NUP43: variants seen among roughly 807,000 people sequenced by gnomAD.
NUP43 encodes nucleoporin Nup43.
A neutral mutation model predicts 47.3 loss-of-function variants in NUP43; 32 were observed. The observed-to-expected ratio is 0.68, with a 90% CI of 0.51 to 0.91. The LOEUF (loss-of-function observed/expected upper bound fraction) is 0.91, where lower values mean the gene tolerates loss of function less well. NUP43 is among the 40% of genes least tolerant of loss of function. The pLI is 0.00. For missense variants in NUP43, 444 were observed against 453.9 expected (o/e 0.98, Z 0.20); for synonymous variants, 147 against 158.4 (o/e 0.93, Z 0.54).
upstream of NUP43, among the ~76,000 whole-genome samples, chr6:149,748,755 G>A (rs528696350): frequency 7.2e-4 from 106 of 146,574 alleles, no homozygotes; most frequent in African/African-American, 2.7e-3. Flanking sequence ...CTTGCAGTGA[G>A]CCGAGATCGC....
chr6:149,737,002 T>C (rs1262025452), intron 5 of NUP43, among the ~76,000 whole-genome samples: 1 of 152,064 alleles, frequency 6.6e-6, no homozygotes, highest in Admixed American at 6.6e-5. Context: ...TTGTTTATTT[T>C]TTAAGAGACC....
chr6:149,745,157 T>C (rs1785903263), intron 2 of NUP43, among the ~76,000 whole-genome samples: 1 of 151,936 alleles, frequency 6.6e-6, no homozygotes, highest in Admixed American at 6.6e-5. Flanking sequence ...TCCCAGCACT[T>C]TGGGAGGCCG....
At chr6:149,744,889 A>AT (rs758106095) in intron 2 of NUP43, among the ~76,000 whole-genome samples, 7 of 147,552 alleles carry the variant, frequency 4.7e-5, no homozygotes, top group Non-Finnish European at 9.0e-5. Flanking sequence ...TTTTTATTTT[A>AT]TTTATTTATT....
rs1199491263 is a variant in NUP43, at chr6:149,727,191, T to G, written c.921A>C (p.Arg307Ser). ...EKSSLFHQGG[R>S]SSTFLSHSIS... ...TGCTATGAGACAAAAAAGTACTGCT[T>G]CTTCCTCCTGGGAGAAAAAAAGAAA... The change falls in exon 8 of 8, where the codon AGA becomes AGC. Residue 307 changes from arginine to serine, a missense_variant. By Grantham distance (110) the Arg-to-Ser change is moderately radical. Transcript: ENST00000340413. The G allele has an allele frequency of 8.1e-6, 13 of 1,612,938 alleles. No individual in the cohort carries two copies. The highest frequency in any genetic ancestry group is 1.7e-5 in the Admixed American group (1 of 59,804).
chr6:149,738,414 T>C (rs187169219), intron 5 of NUP43, among the ~76,000 whole-genome samples: 50 of 152,262 alleles, frequency 3.3e-4, no homozygotes, highest in Admixed American at 3.9e-4. Flanking sequence ...CTCCATGAAA[T>C]AATACAAACT....
At chr6:149,733,881 A>G (rs1785185539) in intron 6 of NUP43, among the ~76,000 whole-genome samples, 1 of 151,588 alleles carries the variant, frequency 6.6e-6, no homozygotes, top group Admixed American at 6.6e-5. Flanking sequence ...CTGGAGTGCA[A>G]TGGTGCGATC....
chr6:149,737,030 C>A (rs899082554), intron 5 of NUP43, among the ~76,000 whole-genome samples: 10 of 151,974 alleles, frequency 6.6e-5, no homozygotes, highest in African/African-American at 2.4e-4. Flanking sequence ...GTGGCTCACA[C>A]CTGTAATCCC....
rs149249345 is a variant in NUP43 at position 149,746,084 on chromosome 6, C to T, written c.121-22G>A. On this transcript the variant is annotated intron_variant, in intron 1 of 7. Transcript: ENST00000340413. ...TTTCCTGTAAAACAGAAAGTTTTGT[C>T]TTGAGATGACATAAACGTCAACTCT... 1,617 of 1,605,962 alleles carry T rather than the reference C, an allele frequency of 1.0e-3. 25 individuals are homozygous for T. In the South Asian group the frequency reaches 0.017, roughly 16 times the overall value.
upstream of NUP43, chr6:149,746,545 C>T (rs1323589195): frequency 5.0e-6 from 8 of 1,613,460 alleles, no homozygotes; most frequent in African/African-American, 1.1e-4. Flanking sequence ...CAGTACGCGC[C>T]TCTCAGCACC....
At chr6:149,731,999 T>A (rs1279513386) in intron 6 of NUP43, among the ~76,000 whole-genome samples, 2 of 151,770 alleles carry the variant, frequency 1.3e-5, no homozygotes, top group African/African-American at 4.8e-5. Context: ...CTGGGCAACA[T>A]GGTGAAACAC....
chr6:149,726,396 CAAA>C lies in NUP43; in HGVS notation c.*570_*572del, dbSNP rs11305807. 1.6e-4 allele frequency: 15 copies of C among 94,618 alleles called. No individual in the cohort carries two copies. The highest frequency in any genetic ancestry group is 7.1e-4 in the South Asian group (2 of 2,812). 5.9% of individuals were successfully genotyped at this position (94,618 alleles called of 1,614,324 possible). On this transcript the variant is annotated 3_prime_UTR_variant, in exon 8 of 8. Transcript: ENST00000340413. ...ACTCCAGCAGAGCAAGACTCTGCCTCAAAAAAAAAAAAAAAAAAAAATTGAACA... is the reference window on the plus strand; with the variant it reads ...ACTCCAGCAGAGCAAGACTCTGCCTCAAAAAAAAAAAAAAAAAATTGAACA...
intron 6 of NUP43, among the ~76,000 whole-genome samples, chr6:149,735,808 AAAC>A (rs934477852): frequency 2.0e-5 from 3 of 150,404 alleles, no homozygotes; most frequent in Admixed American, 1.3e-4. Context: ...AAAAAAAAAC[AAAC>A]AACAACAAAA....
chr6:149,742,756 A>T (rs1446731641), intron 3 of NUP43, among the ~76,000 whole-genome samples, 186 bp from the exon 4 acceptor site: 1 of 152,254 alleles, frequency 6.6e-6, no homozygotes, highest in Non-Finnish European at 1.5e-5. Flanking sequence ...AATTAGATAC[A>T]AAAGGAATAT....
intron 7 of NUP43, 30 bp downstream of exon 7, chr6:149,731,583 C>T: frequency 3.5e-6 from 5 of 1,442,452 alleles, no homozygotes; most frequent in Non-Finnish European, 4.7e-6. Flanking sequence ...AAAAAAAGTA[C>T]ACATAACAGT....
rs752630671 is a variant in NUP43 at position 149,746,505 on chromosome 6, G to T, written c.-10C>A. Reference sequence around the variant, plus strand: ...CATAAATTTCCTCCATGCCGAAAGCGGCCGCAGCAGGTACTGCAAAAAGCA... The same window carrying T: ...CATAAATTTCCTCCATGCCGAAAGCTGCCGCAGCAGGTACTGCAAAAAGCA... On this transcript the variant is annotated 5_prime_UTR_variant, in exon 1 of 8. Coordinates refer to ENST00000340413, the MANE Select transcript of NUP43 (RefSeq NM_198887.3). 45 of 1,614,036 alleles carry T rather than the reference G, an allele frequency of 2.8e-5. No individual in the cohort carries two copies. The highest frequency in any genetic ancestry group is 3.6e-5 in the Non-Finnish European group (43 of 1,180,046).
chr6:149,731,720 A>C lies in NUP43; in HGVS notation c.806T>G (p.Phe269Cys), dbSNP rs757844764. Reference sequence around the variant, plus strand: ...AAGATGTTCTGGGTTGGATGGGTGAAAGTGAACTTCCCACACTAAGAGACA... The same window carrying C: ...AAGATGTTCTGGGTTGGATGGGTGACAGTGAACTTCCCACACTAAGAGACA... ...AHEAEMWEVH[F>C]HPSNPEHLFT... Residue 269 changes from phenylalanine to cysteine, a missense_variant, in exon 7 of 8, where the codon TTT becomes TGT. Transcript: ENST00000340413. 7.4e-6 allele frequency: 12 copies of C among 1,613,882 alleles called. No homozygotes were observed. Among genetic ancestry groups the C allele is most frequent in the Non-Finnish European group, 9.3e-6 (11 of 1,179,846 alleles).
At chr6:149,744,902 T>C (rs1425186552) in intron 2 of NUP43, among the ~76,000 whole-genome samples, 1 of 150,738 alleles carries the variant, frequency 6.6e-6, no homozygotes, top group Non-Finnish European at 1.5e-5. Flanking sequence ...TATTTATTTA[T>C]TTATTTATTT....
intron 4 of NUP43, among the ~76,000 whole-genome samples, chr6:149,741,477 T>C (rs765880792): frequency 6.6e-6 from 1 of 152,088 alleles, no homozygotes; most frequent in Non-Finnish European, 1.5e-5. Flanking sequence ...CCCGGCCATA[T>C]ATTTTTACAT....
At chr6:149,748,310 C>T (rs1322172844), upstream of NUP43, among the ~76,000 whole-genome samples, 1 of 152,148 alleles carries the variant, frequency 6.6e-6, no homozygotes, top group Non-Finnish European at 1.5e-5. Flanking sequence ...CAGAGTGAGA[C>T]TCCGTCTCAA....
Sources: gnomAD v4.1 joint callset for allele counts (sites outside exome capture counted in the v4.1 genomes callset) on GRCh38, gnomAD v4.1.1 for gene constraint, MANE v1.5 for transcripts, NCBI Gene and HGNC (gene_info 2026-07-23, HGNC 2026-07-21) for gene names.